PLEKHM3: variants seen among roughly 807,000 people sequenced by gnomAD.
The protein encoded by PLEKHM3 is pleckstrin homology domain containing M3.
Under a neutral mutation model 81.8 loss-of-function variants are expected in PLEKHM3, and 45 were observed. The observed-to-expected ratio is 0.55, with a 90% CI of 0.43 to 0.71. The LOEUF (loss-of-function observed/expected upper bound fraction) is 0.71. Ranked by LOEUF, PLEKHM3 falls within the 30% of genes least tolerant of loss-of-function variation. The pLI, the probability that PLEKHM3 is intolerant of heterozygous loss-of-function variation, is 0.00. For missense variants in PLEKHM3, 788 were observed against 924.3 expected (o/e 0.85, Z 1.91); for synonymous variants, 352 against 356.4 (o/e 0.99, Z 0.14).
At chr2:207,974,991 C>T (rs764719238) in intron 3 of PLEKHM3, among the ~76,000 whole-genome samples, 3 of 150,218 alleles carry the variant, frequency 2.0e-5, no homozygotes, top group East Asian at 2.0e-4. Flanking sequence ...CCACCACACC[C>T]GGCTAATTTT....
chr2:207,930,945 C>T lies in PLEKHM3; in HGVS notation c.1867G>A (p.Ala623Thr). The change falls in exon 5 of 8, where the codon GCA becomes ACA. Residue 623 changes from alanine to threonine, a missense_variant. By Grantham distance (58) the Ala-to-Thr change is moderately conservative. Transcript: ENST00000427836. ...TCTTACCTGCGGCGGAGATCCTCTGCCACCGCTGCCCGGCAGCTGAACAAA... is the reference window on the plus strand; with the variant it reads ...TCTTACCTGCGGCGGAGATCCTCTGTCACCGCTGCCCGGCAGCTGAACAAA... ...AYLFSCRAAV[A>T]EDLRRRIFPR... is the part of the protein sequence containing the mutation. 1 of 1,613,144 alleles carries T rather than the reference C, an allele frequency of 6.2e-7. No individual in the cohort carries two copies. The highest frequency in any genetic ancestry group is 2.2e-5 in the East Asian group (1 of 44,848).
intron 5 of PLEKHM3, among the ~76,000 whole-genome samples, chr2:207,913,198 T>C (rs564784066): frequency 1.3e-5 from 2 of 152,084 alleles, no homozygotes; most frequent in African/African-American, 4.8e-5. Flanking sequence ...GTTGGAACTG[T>C]CTTTGGAATG....
intron 7 of PLEKHM3, among the ~76,000 whole-genome samples, chr2:207,835,185 C>T (rs184454646): frequency 0.026 from 3,981 of 152,126 alleles, 85 homozygotes; most frequent in Non-Finnish European, 0.04. Context: ...CCTTGTGATC[C>T]GCCCGCCTTG....
chr2:207,829,906 C>G (rs911771891), intron 7 of PLEKHM3, among the ~76,000 whole-genome samples: 1 of 152,168 alleles, frequency 6.6e-6, no homozygotes, highest in Non-Finnish European at 1.5e-5. Context: ...CTGCCACTGA[C>G]TTACCCCACC....
In PLEKHM3 at chr2:208,001,054, T is replaced by C. The variant is rs779299009; in HGVS notation, c.586A>G (p.Ile196Val). The change falls in exon 2 of 8, where the codon ATA (isoleucine) becomes GTA (valine). Residue 196 changes from isoleucine (I) to valine (V), a missense_variant. By Grantham distance (29) the Ile-to-Val change is conservative (BLOSUM62 3). Transcript: ENST00000427836. ...CCAGTATTTCCTTGAGCATCTTCTA[T>C]CTTATTTGGTGAGGGCAACAGAAAA... ...PSFLLPSPNK[I>V]EDAQGNTEHK... is the part of the protein sequence containing the mutation. 3.4e-5 allele frequency: 53 copies of C among 1,552,978 alleles called. No homozygotes were observed. The highest frequency in any genetic ancestry group is 7.8e-6 in the Non-Finnish European group (9 of 1,148,268).
At chr2:207,946,286 G>T in intron 4 of PLEKHM3, 81 bp downstream of exon 4, 2 of 1,473,292 alleles carry the variant, frequency 1.4e-6, no homozygotes, top group South Asian at 2.6e-5. Flanking sequence ...CAAATTGTTT[G>T]ATCACCATCT....
At chr2:208,013,037 G>T (rs376850266) in intron 1 of PLEKHM3, among the ~76,000 whole-genome samples, 1 of 152,160 alleles carries the variant, frequency 6.6e-6, no homozygotes. Flanking sequence ...CACTTCAACA[G>T]AAGTATACAA....
At chr2:207,863,263 G>GC (rs1332718102) in intron 6 of PLEKHM3, among the ~76,000 whole-genome samples, 2 of 152,142 alleles carry the variant, frequency 1.3e-5, no homozygotes, top group African/African-American at 2.4e-5. Flanking sequence ...AGATGAAGCA[G>GC]CCCCCCAGTG....
intron 5 of PLEKHM3, among the ~76,000 whole-genome samples, chr2:207,922,718 A>G (rs1354842669): frequency 6.6e-6 from 1 of 152,202 alleles, no homozygotes; most frequent in East Asian, 1.9e-4. Flanking sequence ...AGGCTGAGGC[A>G]GGAGAATGGT....
intron 5 of PLEKHM3, among the ~76,000 whole-genome samples, chr2:207,915,438 TCC>T (rs1224479966): frequency 6.6e-6 from 1 of 152,076 alleles, no homozygotes; most frequent in African/African-American, 2.4e-5. Context: ...TCAACTCAGC[TCC>T]CACCAAGCCC....
At chr2:207,934,660 C>A (rs557822829) in intron 4 of PLEKHM3, among the ~76,000 whole-genome samples, 4 of 152,274 alleles carry the variant, frequency 2.6e-5, no homozygotes, top group South Asian at 4.1e-4. Context: ...TCCTCCCCTA[C>A]CTCACATTCA....
chr2:207,895,514 C>T (rs1007518159), intron 6 of PLEKHM3, among the ~76,000 whole-genome samples: 8 of 152,224 alleles, frequency 5.3e-5, no homozygotes, highest in African/African-American at 1.9e-4. Flanking sequence ...CTTTCACAGT[C>T]TCCTTCCCCT....
chr2:207,943,666 A>C (rs1216021474), intron 4 of PLEKHM3, among the ~76,000 whole-genome samples: 3 of 152,022 alleles, frequency 2.0e-5, no homozygotes, highest in African/African-American at 7.2e-5. Flanking sequence ...CAGGAGATCG[A>C]GACCATCCCG....
chr2:207,893,957 A>G (rs551284121), intron 6 of PLEKHM3, among the ~76,000 whole-genome samples: 18 of 152,190 alleles, frequency 1.2e-4, no homozygotes, highest in Non-Finnish European at 2.9e-5. Flanking sequence ...CTCTACTAAA[A>G]ATAAAAAAAA....
chr2:207,856,349 G>C (rs1025553027), intron 7 of PLEKHM3, among the ~76,000 whole-genome samples: 3 of 152,068 alleles, frequency 2.0e-5, no homozygotes, highest in Non-Finnish European at 2.9e-5. Flanking sequence ...TTGAGTTAAG[G>C]CTCACTCTGT....
intron 7 of PLEKHM3, among the ~76,000 whole-genome samples, chr2:207,832,625 C>T (rs375268273): frequency 6.6e-4 from 100 of 151,362 alleles, no homozygotes; most frequent in African/African-American, 2.3e-3. Flanking sequence ...AACCCCGTCT[C>T]TACTAAAAAT....
chr2:207,845,300 G>A (rs1387902674), intron 7 of PLEKHM3, among the ~76,000 whole-genome samples: 1 of 152,082 alleles, frequency 6.6e-6, no homozygotes, highest in East Asian at 1.9e-4. Context: ...AGATACTATT[G>A]TACCCTTTGT....
chr2:208,007,395 G>A (rs146607784), intron 1 of PLEKHM3, among the ~76,000 whole-genome samples: 11 of 152,244 alleles, frequency 7.2e-5, no homozygotes, highest in African/African-American at 2.4e-4. Context: ...ACATGGTGAC[G>A]TAAGGATGTG....
intron 5 of PLEKHM3, chr2:207,929,934 G>C (rs1689531714): frequency 1.4e-6 from 1 of 696,554 alleles, no homozygotes; most frequent in Non-Finnish European, 2.6e-6. Flanking sequence ...CATGCTGCTG[G>C]TCATTTCTAT....
Sources: allele counts gnomAD v4.1 joint callset (sites outside exome capture counted in the v4.1 genomes callset), GRCh38; gene constraint gnomAD v4.1.1; transcripts MANE v1.5; gene names NCBI Gene and HGNC (gene_info 2026-07-23, HGNC 2026-07-21).